The following SAMTOR variants were observed in gnomAD, a reference collection of about 807,000 sequenced individuals.
SAMTOR encodes S-adenosylmethionine sensor upstream of mTORC1.
chr7:112,830,090 T>C, the SAMTOR span, among the ~76,000 whole-genome samples: 1 of 152,022 alleles, frequency 6.6e-6, no homozygotes. Context: ...CTCAACTCCC[T>C]AGGACTCTTC....
At chr7:112,902,433 A>AC in the SAMTOR span, among the ~76,000 whole-genome samples, 2 of 112,254 alleles carry the variant, frequency 1.8e-5, no homozygotes, top group African/African-American at 3.9e-5. Flanking sequence ...AAAAAACAAA[A>AC]AAAAACAAAA....
At chr7:112,865,663 C>CATAT in the SAMTOR span, among the ~76,000 whole-genome samples, 8 of 131,424 alleles carry the variant, frequency 6.1e-5, no homozygotes, top group African/African-American at 1.9e-4. Context: ...ATATATATTT[C>CATAT]ATACATACAT....
At chr7:112,863,817 C>T in the SAMTOR span, among the ~76,000 whole-genome samples, 321 of 152,186 alleles carry the variant, frequency 2.1e-3, 2 homozygotes, top group Middle Eastern at 0.01. Context: ...CTGGTGGGAG[C>T]GTAAACTAGT....
At chr7:112,824,757 T>C in the SAMTOR span, among the ~76,000 whole-genome samples, 1 of 152,202 alleles carries the variant, frequency 6.6e-6, no homozygotes, top group Non-Finnish European at 1.5e-5. Context: ...GAAAAGACTA[T>C]GCTTTCCATC....
chr7:112,939,817 G>A, the SAMTOR span: 10 of 1,311,642 alleles, frequency 7.6e-6, no homozygotes, highest in East Asian at 9.6e-5. Context: ...GGAGGAGGTG[G>A]GGTAGGAGGA....
the SAMTOR span, among the ~76,000 whole-genome samples, chr7:112,829,793 T>G: frequency 6.6e-6 from 1 of 152,192 alleles, no homozygotes; most frequent in Non-Finnish European, 1.5e-5. Context: ...CCCTTCTCTG[T>G]GTACTCTATT....
At chr7:112,832,125 C>A in the SAMTOR span, among the ~76,000 whole-genome samples, 1 of 151,942 alleles carries the variant, frequency 6.6e-6, no homozygotes, top group South Asian at 2.1e-4. Flanking sequence ...GATTCTCCTG[C>A]CTCAGCCTCC....
the SAMTOR span, among the ~76,000 whole-genome samples, chr7:112,878,581 A>T: frequency 3.7e-4 from 57 of 152,262 alleles, 1 homozygote; most frequent in Middle Eastern, 3.4e-3. Flanking sequence ...CTAAGGACAA[A>T]CAGGAAATTA....
chr7:112,823,160 CAT>C, the SAMTOR span, among the ~76,000 whole-genome samples: 2 of 152,252 alleles, frequency 1.3e-5, no homozygotes, highest in Middle Eastern at 3.4e-3. Flanking sequence ...AAGCCGGCCA[CAT>C]AGTCATCTGG....
the SAMTOR span, among the ~76,000 whole-genome samples, chr7:112,927,533 T>C: frequency 6.6e-6 from 1 of 152,054 alleles, no homozygotes; most frequent in African/African-American, 2.4e-5. Flanking sequence ...ACCCATTTTC[T>C]TACCAATTTC....
the SAMTOR span, among the ~76,000 whole-genome samples, chr7:112,840,009 T>C: frequency 3.3e-5 from 5 of 151,886 alleles, no homozygotes; most frequent in Non-Finnish European, 7.4e-5. Context: ...ATCTGTTATA[T>C]TACTTTTGCA....
At chr7:112,879,978 C>A in the SAMTOR span, among the ~76,000 whole-genome samples, 1 of 152,050 alleles carries the variant, frequency 6.6e-6, no homozygotes, top group Non-Finnish European at 1.5e-5. Flanking sequence ...TAAATCTTTA[C>A]TAGTTAGGGA....
chr7:112,933,705 T>C, the SAMTOR span, among the ~76,000 whole-genome samples: 4 of 152,206 alleles, frequency 2.6e-5, no homozygotes, highest in South Asian at 4.1e-4. Context: ...TCTCAAAAAG[T>C]GTTCCAATGA....
At chr7:112,922,101 G>A in the SAMTOR span, among the ~76,000 whole-genome samples, 1,408 of 152,206 alleles carry the variant, frequency 9.3e-3, 19 homozygotes, top group African/African-American at 0.031. Flanking sequence ...GATTACAGGC[G>A]CGCGCCGCCA....
At chr7:112,911,819 A>G in the SAMTOR span, among the ~76,000 whole-genome samples, 1 of 151,940 alleles carries the variant, frequency 6.6e-6, no homozygotes, top group Non-Finnish European at 1.5e-5. Flanking sequence ...AAGCCAAGAA[A>G]GAAAAATCAG....
the SAMTOR span, among the ~76,000 whole-genome samples, chr7:112,864,647 C>A: frequency 2.6e-5 from 4 of 152,216 alleles, no homozygotes; most frequent in Non-Finnish European, 2.9e-5. Context: ...TGTGTTTTAA[C>A]CACTATCAAA....
the SAMTOR span, among the ~76,000 whole-genome samples, chr7:112,934,614 T>C: frequency 6.6e-6 from 1 of 152,202 alleles, no homozygotes; most frequent in Non-Finnish European, 1.5e-5. Context: ...AAAGCCTCCT[T>C]TCTCCTAGAT....
the SAMTOR span, among the ~76,000 whole-genome samples, chr7:112,854,140 G>C: frequency 6.6e-6 from 1 of 151,932 alleles, no homozygotes; most frequent in Non-Finnish European, 1.5e-5. Context: ...AGGAACAGCA[G>C]AAAAAAATAG....
the SAMTOR span, among the ~76,000 whole-genome samples, chr7:112,839,946 T>C: frequency 6.6e-6 from 1 of 151,882 alleles, no homozygotes; most frequent in East Asian, 1.9e-4. Context: ...AGAGCATAAA[T>C]TGGATTTTTA....
Sources: allele counts gnomAD v4.1 joint callset (sites outside exome capture counted in the v4.1 genomes callset), GRCh38; gene constraint gnomAD v4.1.1; transcripts MANE v1.5; gene names NCBI Gene and HGNC (gene_info 2026-07-23, HGNC 2026-07-21).